The following CASP4 variants were observed in gnomAD, a reference collection of about 807,000 sequenced individuals.
CASP4 encodes the protein caspase 4.
A neutral mutation model predicts 41.3 loss-of-function variants in CASP4; 29 were observed. The ratio of observed to expected loss-of-function variants is 0.70; its 90% CI spans 0.52 to 0.96. CASP4 has a LOEUF of 0.96. Ranked by LOEUF, CASP4 falls within the 40% of genes least tolerant of loss-of-function variation. The probability of loss-of-function intolerance (pLI) is 0.00; values close to 1 mark genes in which losing one functional copy is unlikely to be tolerated. For missense variants in CASP4, 447 were observed against 460.6 expected, an observed-to-expected ratio of 0.97 and a Z score of 0.27; for synonymous variants, 185 against 158.4, an observed-to-expected ratio of 1.17 and a Z score of -1.26.
intron 5 of CASP4, 56 bp downstream of exon 5, chr11:104,949,485 CAT>C: frequency 6.4e-7 from 1 of 1,563,104 alleles, no homozygotes; most frequent in Non-Finnish European, 8.8e-7. Flanking sequence ...ATAAACCAAA[CAT>C]CACAATCCTC....
At chr11:104,964,700 C>A (rs1224185557) in intron 1 of CASP4, among the ~76,000 whole-genome samples, 1 of 152,152 alleles carries the variant, frequency 6.6e-6, no homozygotes, top group African/African-American at 2.4e-5. Context: ...GTACAAGGTT[C>A]TTGATCTGTA....
intron 1 of CASP4, among the ~76,000 whole-genome samples, chr11:104,958,958 C>G: frequency 2.0e-5 from 1 of 50,292 alleles, no homozygotes; most frequent in Admixed American, 3.3e-4. Context: ...GAGACTCTGT[C>G]TCAAAAAAAA....
At chr11:104,956,115 TA>T (rs1325164259) in intron 1 of CASP4, among the ~76,000 whole-genome samples, 4 of 152,066 alleles carry the variant, frequency 2.6e-5, no homozygotes, top group African/African-American at 9.7e-5. Flanking sequence ...TTATTATAAA[TA>T]AAAAATGAAT....
At chr11:104,959,899 T>C (rs1293273077) in intron 1 of CASP4, among the ~76,000 whole-genome samples, 1 of 152,192 alleles carries the variant, frequency 6.6e-6, no homozygotes, top group Non-Finnish European at 1.5e-5. Context: ...GCCAACATCC[T>C]TTCTTTCTTA....
rs1206105748 is a variant in CASP4 at position 104,948,664 on chromosome 11, T to A, written c.794A>T (p.Glu265Val). 6.2e-7 allele frequency: 1 copy of A among 1,604,014 alleles called. No homozygotes were observed. Among genetic ancestry groups the A allele is most frequent in the African/African-American group, 1.3e-5 (1 of 74,710 alleles). The change falls in exon 6 of 9, where the codon GAA (glutamate) becomes GTA (valine). Residue 265 changes from glutamate (E) to valine (V), a missense_variant. By Grantham distance (121) the Glu-to-Val change is moderately radical. Coordinates refer to ENST00000444739, the MANE Select transcript of CASP4 (RefSeq NM_001225.4). ...VQACRGANRG[E>V]LWVRDSPASL... Reference sequence around the variant, plus strand: ...TGCTGGAGAGTCTCTGACCCACAGTTCCCCACGGTTTGCTATGGAGACATT... The same window carrying A: ...TGCTGGAGAGTCTCTGACCCACAGTACCCCACGGTTTGCTATGGAGACATT...
intron 8 of CASP4, chr11:104,943,220 G>T: frequency 3.3e-6 from 1 of 306,774 alleles, no homozygotes; most frequent in Non-Finnish European, 6.4e-6. Flanking sequence ...ATTTTTAAAG[G>T]TTTACCATGT....
In CASP4 at chr11:104,945,209, A is replaced by T. The variant is rs184919895; in HGVS notation, c.1036-358T>A. 4.2e-3 allele frequency among the ~76,000 whole-genome samples: 633 copies of T among 151,908 alleles called. 5 individuals are homozygous for T. The highest frequency in any genetic ancestry group is 0.014 in the African/African-American group (588 of 41,384). On this transcript the variant is annotated intron_variant, in intron 7 of 8. Transcript: ENST00000444739. ...GTACTTTCAACACTCACCAAGGCTG[A>T]TTCCTCAATTGAAGGAGAATTTAAT...
chr11:104,955,326 G>A (rs1170173150), intron 1 of CASP4, among the ~76,000 whole-genome samples: 2 of 150,730 alleles, frequency 1.3e-5, no homozygotes, highest in Admixed American at 6.6e-5. Flanking sequence ...ACTGGTTCAC[G>A]GCCCATAGTG....
intron 3 of CASP4, 22 bp downstream of exon 3, chr11:104,951,874 T>A (rs762546677): frequency 2.3e-5 from 33 of 1,454,348 alleles, no homozygotes; most frequent in Non-Finnish European, 3.1e-5. Flanking sequence ...TTTTTTTCTA[T>A]TTCATATAGA....
rs376996510 is a variant in CASP4, at chr11:104,948,668, C to A, written c.790G>T (p.Gly264Trp). 6 of 1,602,142 alleles carry A rather than the reference C, an allele frequency of 3.7e-6. No homozygotes were observed. In the African/African-American group the frequency reaches 5.4e-5, roughly 14 times the overall value. Residue 264 changes from glycine (G) to tryptophan (W), a missense_variant, in exon 6 of 9, where the codon GGG (glycine) becomes TGG (tryptophan). Coordinates refer to ENST00000444739, the MANE Select transcript of CASP4 (RefSeq NM_001225.4). ...GGAGAGTCTCTGACCCACAGTTCCC[C>A]ACGGTTTGCTATGGAGACATTAACT... ...IVQACRGANR[G>W]ELWVRDSPAS...
intron 1 of CASP4, among the ~76,000 whole-genome samples, chr11:104,959,178 C>T (rs954054039): frequency 9.2e-5 from 14 of 152,072 alleles, no homozygotes; most frequent in Non-Finnish European, 2.1e-4. Context: ...GATATAAAAT[C>T]AACCTAAATG....
chr11:104,949,804 G>C, intron 4 of CASP4, 27 bp from the exon 5 acceptor site: 1 of 1,603,684 alleles, frequency 6.2e-7, no homozygotes, highest in Non-Finnish European at 8.5e-7. Context: ...TCTAACTTCA[G>C]TCAGAGAAGC....
At chr11:104,952,745 A>C (rs1858349496) in intron 2 of CASP4, among the ~76,000 whole-genome samples, 1 of 152,180 alleles carries the variant, frequency 6.6e-6, no homozygotes, top group African/African-American at 2.4e-5. Flanking sequence ...AATGAACTTC[A>C]ATTATCCCTG....
intron 1 of CASP4, among the ~76,000 whole-genome samples, chr11:104,959,479 C>T (rs528205192): frequency 6.6e-6 from 1 of 152,128 alleles, no homozygotes; most frequent in Non-Finnish European, 1.5e-5. Flanking sequence ...AAAGTATGGC[C>T]TGAGGTATAA....
intron 1 of CASP4, among the ~76,000 whole-genome samples, chr11:104,966,531 G>T (rs1377061633): frequency 1.3e-5 from 2 of 152,208 alleles, no homozygotes; most frequent in African/African-American, 4.8e-5. Context: ...CAGCTGTCCA[G>T]AGAAGGGAGG....
intron 8 of CASP4, chr11:104,944,540 T>G (rs1162471261): frequency 1.4e-5 from 7 of 497,812 alleles, no homozygotes; most frequent in African/African-American, 7.7e-5. Flanking sequence ...CCTCCTTGAT[T>G]GATTGATTGA....
At chr11:104,944,362 C>CTT (rs1471000019) in intron 8 of CASP4, 10 of 104,844 alleles carry the variant, frequency 9.5e-5, no homozygotes, top group African/African-American at 3.1e-4. Context: ...CTCTCTCTCT[C>CTT]TCTCTCTGTG....
At chr11:104,968,414 C>T (rs894799433) in intron 1 of CASP4, 105 bp downstream of exon 1, 1 of 1,000,996 alleles carries the variant, frequency 1.0e-6, no homozygotes, top group African/African-American at 1.6e-5. Flanking sequence ...AGGAATTCAA[C>T]ATGTGTGCTA....
At chr11:104,947,566 A>G (rs11226565) in intron 6 of CASP4, 35,284 of 154,278 alleles carry the variant, frequency 0.23, 4,283 homozygotes, top group Admixed American at 0.28. Flanking sequence ...AGATGAAGGA[A>G]CTTCCCCATG....
Sources: gnomAD v4.1 joint callset for allele counts (sites outside exome capture counted in the v4.1 genomes callset) on GRCh38, gnomAD v4.1.1 for gene constraint, MANE v1.5 for transcripts, NCBI Gene and HGNC (gene_info 2026-07-23, HGNC 2026-07-21) for gene names.